The following TRIM66 variants were observed in gnomAD, a reference collection of about 807,000 sequenced individuals.
TRIM66 encodes tripartite motif containing 66, also known as tripartite motif-containing protein 66.
Under a neutral mutation model 148.2 loss-of-function variants are expected in TRIM66, and 99 were observed. The ratio of observed to expected loss-of-function variants is 0.67; its 90% CI spans 0.57 to 0.79. The LOEUF (loss-of-function observed/expected upper bound fraction) is 0.79. Among genes scored for constraint, TRIM66 ranks in the 30% least tolerant of loss-of-function variants. TRIM66 has a pLI of 0.00. For missense variants in TRIM66, 1,666 were observed against 1,697.9 expected (o/e 0.98, Z 0.33); for synonymous variants, 616 against 635.9 (o/e 0.97, Z 0.47).
intron 15 of TRIM66, among the ~76,000 whole-genome samples, chr11:8,629,342 T>C (rs921307916): frequency 3.3e-5 from 5 of 152,324 alleles, no homozygotes; most frequent in Non-Finnish European, 5.9e-5. Context: ...ACATGTATGT[T>C]TAGTGTGGTT....
At position 8,640,998 on chromosome 11, in the gene TRIM66, T is replaced by C. The variant is rs918053932; in HGVS notation, c.1377A>G (p.Ala459=). 6.4e-7 allele frequency: 1 copy of C among 1,551,518 alleles called. No individual in the cohort carries two copies. The highest frequency in any genetic ancestry group is 8.7e-7 in the Non-Finnish European group (1 of 1,146,970). The change falls in exon 14 of 25, where the codon GCA becomes GCG. Residue 459 remains alanine (A), a synonymous_variant. Coordinates refer to ENST00000646038, the MANE Select transcript of TRIM66 (RefSeq NM_001388022.1). The part of the protein sequence containing the change: ...SHPSHKFQSP[A]VCSSSVCCSH... ...AGCAGCACACAGATGAGGAGCACAC[T>C]GCTGGAGACTGGAACTTGTGTGAGG...
chr11:8,629,858 A>G (rs568920364), intron 15 of TRIM66, among the ~76,000 whole-genome samples: 1 of 152,356 alleles, frequency 6.6e-6, no homozygotes, highest in South Asian at 2.1e-4. Flanking sequence ...AGTATTAACA[A>G]GAATGTGGAA....
In TRIM66 at chr11:8,672,298, G is replaced by T. The variant is rs1236792008; in HGVS notation, c.-24C>A. On this transcript the variant is annotated 5_prime_UTR_variant, in exon 5 of 25. Transcript: ENST00000646038. Reference sequence around the variant, plus strand: ...ATCTCTGCCGTGGAAAACAAAGCGTGGAGGTGTCTGCTGTTTGTCTGAAGG... The same window carrying T: ...ATCTCTGCCGTGGAAAACAAAGCGTTGAGGTGTCTGCTGTTTGTCTGAAGG... The T allele has an allele frequency of 6.5e-7, 1 of 1,536,084 alleles. No homozygotes were observed. The highest frequency in any genetic ancestry group is 2.0e-5 in the Admixed American group (1 of 50,984).
rs1438938867 is a variant in TRIM66 at position 8,682,584 on chromosome 11, A to C, written c.-548+17T>G. On this transcript the variant is annotated intron_variant, in intron 1 of 24. Coordinates refer to ENST00000646038, the MANE Select transcript of TRIM66 (RefSeq NM_001388022.1). ...TCAACAGTTCTCGCCCTCCGAGCCT[A>C]GCACAACGAGCCTCACCGAAACCGT... 1 of 595,142 alleles carries C rather than the reference A, an allele frequency of 1.7e-6. No homozygotes were observed. The highest frequency in any genetic ancestry group is 1.9e-5 in the African/African-American group (1 of 52,502). The allele number at this position is 595,142 out of a possible 1,614,324, so 36.9% of individuals were successfully genotyped here. A position where few individuals can be genotyped will look rare whatever the true frequency, so the allele number is the denominator to read the frequency against.
intron 24 of TRIM66, 63 bp from the exon 25 acceptor site, chr11:8,618,066 G>A: frequency 6.8e-7 from 1 of 1,476,462 alleles, no homozygotes; most frequent in South Asian, 1.2e-5. Context: ...AACATGAAAA[G>A]GCTATGTCAA....
intron 24 of TRIM66, 37 bp downstream of exon 24, chr11:8,618,713 A>T: frequency 6.5e-7 from 1 of 1,535,946 alleles, no homozygotes. Flanking sequence ...TTGCCTGATC[A>T]CCGCCCACCT....
intron 15 of TRIM66, among the ~76,000 whole-genome samples, chr11:8,634,326 T>C (rs1468821468): frequency 6.6e-6 from 1 of 152,148 alleles, no homozygotes; most frequent in African/African-American, 2.4e-5. Context: ...CCACCACGCC[T>C]GGCTAATTTT....
Position 8,618,869 on chromosome 11 carries a change from G to T in TRIM66, c.4000C>A (p.Gln1334Lys). The change falls in exon 24 of 25, where the codon CAG (glutamine) becomes AAG (lysine). Residue 1334 changes from glutamine to lysine, a missense_variant. This residue lies in a region of TRIM66 where 204 missense variants were observed against 231.0 expected (regional missense o/e 0.88). Transcript: ENST00000646038. ...YPEKRFAQPR[Q>K]EDSDSEEVSS... is the part of the protein sequence containing the mutation. ...ACCTCCTCGGAGTCTGAGTCCTCCT[G>T]CCTTGGCTGGGCAAACCGTTTCTCC... The T allele has an allele frequency of 1.3e-6, 2 of 1,551,406 alleles. No homozygotes were observed. Among genetic ancestry groups the T allele is most frequent in the Non-Finnish European group, 1.7e-6 (2 of 1,146,956 alleles).
chr11:8,652,711 T>G (rs999109859), intron 6 of TRIM66, among the ~76,000 whole-genome samples: 9 of 152,064 alleles, frequency 5.9e-5, no homozygotes, highest in African/African-American at 2.2e-4. Context: ...AACAAGAAAA[T>G]GAGCCTCTGG....
rs777219345 is a variant in TRIM66 at position 8,617,919 on chromosome 11, A to G, written c.*25T>C. ...TCGACAGTATGGGACAACAGCTGCCAGAGTGCCCAGTCTCCTTTTGGCTCT... is the reference window on the plus strand; with the variant it reads ...TCGACAGTATGGGACAACAGCTGCCGGAGTGCCCAGTCTCCTTTTGGCTCT... On this transcript the variant is annotated 3_prime_UTR_variant, in exon 25 of 25. Transcript: ENST00000646038. The G allele has an allele frequency of 6.4e-6, 10 of 1,550,980 alleles. No individual in the cohort carries two copies. The highest frequency in any genetic ancestry group is 1.4e-5 in the African/African-American group (1 of 73,048).
chr11:8,648,047 C>T lies in TRIM66; in HGVS notation c.765G>A (p.Met255Ile). The change falls in exon 10 of 25, where the codon ATG becomes ATA. Residue 255 changes from methionine (M) to isoleucine (I), a missense_variant. By Grantham distance (10) the Met-to-Ile change is conservative (BLOSUM62 1). Around this residue, in one of 3 missense-constraint regions of TRIM66, gnomAD observed 1,431 missense variants for 1,412.4 expected, o/e 1.01. Transcript: ENST00000646038. ...CCTGTGTAGTCACACCTTCCAGAAGCATCCTCTGGTTTTGCAAAACTTCTT... is the reference window on the plus strand; with the variant it reads ...CCTGTGTAGTCACACCTTCCAGAAGTATCCTCTGGTTTTGCAAAACTTCTT... ...HVEEVLQNQR[M>I]LLEGVTTQVA... 1.3e-6 allele frequency: 2 copies of T among 1,551,732 alleles called. No individual in the cohort carries two copies. Among genetic ancestry groups the T allele is most frequent in the Non-Finnish European group, 1.7e-6 (2 of 1,146,996 alleles).
intron 14 of TRIM66, 69 bp downstream of exon 14, chr11:8,640,158 G>C (rs946783022): frequency 1.3e-5 from 19 of 1,433,828 alleles, no homozygotes; most frequent in Middle Eastern, 1.8e-4. Context: ...CTTGTTTTTG[G>C]GGAGGCTGTG....
At chr11:8,668,723 T>C (rs1438063349) in intron 6 of TRIM66, among the ~76,000 whole-genome samples, 2 of 152,054 alleles carry the variant, frequency 1.3e-5, no homozygotes, top group African/African-American at 4.8e-5. Context: ...GTAGCTGGGA[T>C]TACAGGCGCA....
At chr11:8,633,720 GC>G in intron 15 of TRIM66, among the ~76,000 whole-genome samples, 1 of 152,310 alleles carries the variant, frequency 6.6e-6, no homozygotes, top group African/African-American at 2.4e-5. Context: ...CATAGCAGTA[GC>G]TTTGGAGACT....
At chr11:8,677,840 A>G (rs2039248341) in intron 3 of TRIM66, among the ~76,000 whole-genome samples, 1 of 152,190 alleles carries the variant, frequency 6.6e-6, no homozygotes, top group African/African-American at 2.4e-5. Flanking sequence ...AGCTTTAGGA[A>G]TGTAATTGCC....
intron 8 of TRIM66, 114 bp from the exon 9 acceptor site, chr11:8,648,662 C>A: frequency 7.7e-7 from 1 of 1,293,654 alleles, no homozygotes; most frequent in Non-Finnish European, 1.0e-6. Context: ...ATACAGAGCT[C>A]GGGGGAAGTG....
chr11:8,643,028 G>A lies in TRIM66; in HGVS notation c.1203C>T (p.Thr401=), dbSNP rs970558660. 3 of 1,550,702 alleles carry A rather than the reference G, an allele frequency of 1.9e-6. No individual in the cohort carries two copies. In the Admixed American group the frequency reaches 5.9e-5, roughly 30 times the overall value. ...IRFTWEPNFW[T]KQLASLGCIT... is the part of the protein sequence containing the mutation. ...GCTCACCAAGAGAAGCTAGCTGCTT[G>A]GTCCAGAAGTTAGGCTCCCAGGTGA... is the stretch of plus-strand genomic sequence containing the variant. The change falls in exon 13 of 25, where the codon ACC becomes ACT. Residue 401 remains threonine (T), a synonymous_variant. Coordinates refer to ENST00000646038, the MANE Select transcript of TRIM66 (RefSeq NM_001388022.1).
At position 8,649,724 on chromosome 11, in the gene TRIM66, G is replaced by A. The variant is rs914885751; in HGVS notation, c.592+16C>T. On this transcript the variant is annotated intron_variant, in intron 8 of 24. Transcript: ENST00000646038. The stretch of plus-strand genomic sequence containing the variant: ...TTTAGGGCATGGGAGTGGGCAGGGA[G>A]AGGTGGGATTGGTACCTGGAGATCC... The A allele has an allele frequency of 2.6e-6, 4 of 1,550,656 alleles. No homozygotes were observed. Among genetic ancestry groups the A allele is most frequent in the Middle Eastern group, 1.9e-4 (1 of 5,304 alleles).
Position 8,640,567 on chromosome 11 carries a change from G to T in TRIM66, c.1808C>A (p.Pro603Gln). Residue 603 changes from proline (P) to glutamine (Q), a missense_variant, in exon 14 of 25, where the codon CCA becomes CAA. Pro to Gln is a moderately conservative substitution (Grantham distance 76). Around this residue, in one of 3 missense-constraint regions of TRIM66, gnomAD observed 1,431 missense variants for 1,412.4 expected, o/e 1.01. Coordinates refer to ENST00000646038, the MANE Select transcript of TRIM66 (RefSeq NM_001388022.1). Reference sequence around the variant, plus strand: ...ATGGGGGAGGGGTGGTGGTGGAGGTGGTAGCTGCTGCTGTGGCTGCTGCTG... The same window carrying T: ...ATGGGGGAGGGGTGGTGGTGGAGGTTGTAGCTGCTGCTGTGGCTGCTGCTG... ...HFQQQPQQQL[P>Q]PPPPPLPHPP... The T allele has an allele frequency of 6.5e-7, 1 of 1,548,742 alleles. No individual in the cohort carries two copies. Among genetic ancestry groups the T allele is most frequent in the South Asian group, 1.2e-5 (1 of 83,876 alleles).
Sources: allele counts gnomAD v4.1 joint callset (sites outside exome capture counted in the v4.1 genomes callset), GRCh38; gene constraint gnomAD v4.1.1; regional missense constraint gnomAD v4.1.1; transcripts MANE v1.5; gene names NCBI Gene and HGNC (gene_info 2026-07-23, HGNC 2026-07-21).